CPED1: variants seen among roughly 807,000 people sequenced by gnomAD.
The protein encoded by CPED1 is cadherin like and PC-esterase domain containing 1.
CPED1 carries 114 observed loss-of-function variants against 128.2 expected under a neutral mutation model. The ratio of observed to expected loss-of-function variants is 0.89; its 90% CI spans 0.76 to 1.04. The LOEUF is 1.04. Ranked by LOEUF, CPED1 falls within the 50% of genes least tolerant of loss-of-function variation. The probability of loss-of-function intolerance (pLI) is 0.00; values close to 1 mark genes in which losing one functional copy is unlikely to be tolerated. For missense variants in CPED1, 1,211 were observed against 1,207.1 expected (o/e 1.00, Z -0.05); for synonymous variants, 462 against 426.7 (o/e 1.08, Z -1.02).
intron 22 of CPED1, among the ~76,000 whole-genome samples, chr7:121,274,355 G>C (rs1415063569): frequency 1.3e-5 from 2 of 152,112 alleles, no homozygotes; most frequent in Non-Finnish European, 1.5e-5. Flanking sequence ...CTTCAAGCAT[G>C]TTCAGGTAAA....
intron 3 of CPED1, among the ~76,000 whole-genome samples, chr7:121,037,677 ATG>A (rs1792933744): frequency 6.6e-6 from 1 of 152,042 alleles, no homozygotes; most frequent in South Asian, 2.1e-4. Context: ...GTGAAGAATG[ATG>A]GTGATATTTT....
intron 18 of CPED1, among the ~76,000 whole-genome samples, chr7:121,264,563 G>A (rs1416034479): frequency 6.6e-6 from 1 of 152,042 alleles, no homozygotes; most frequent in Non-Finnish European, 1.5e-5. Flanking sequence ...AATTGGAGAA[G>A]CTTTCTAGAT....
intron 16 of CPED1, among the ~76,000 whole-genome samples, chr7:121,212,334 G>T (rs1197461164): frequency 6.6e-6 from 1 of 151,930 alleles, no homozygotes; most frequent in Non-Finnish European, 1.5e-5. Context: ...TATAAATCAG[G>T]GTCCAGTAAG....
intron 16 of CPED1, among the ~76,000 whole-genome samples, chr7:121,225,377 G>A (rs1584611826): frequency 6.6e-6 from 1 of 152,114 alleles, no homozygotes; most frequent in South Asian, 2.1e-4. Context: ...CCCTTTGTGG[G>A]TAACCTGACC....
intron 17 of CPED1, among the ~76,000 whole-genome samples, chr7:121,240,564 G>A (rs935839017): frequency 6.6e-6 from 1 of 151,966 alleles, no homozygotes; most frequent in East Asian, 1.9e-4. Flanking sequence ...CAGTTTGTGA[G>A]TTTTCCTATA....
intron 16 of CPED1, among the ~76,000 whole-genome samples, chr7:121,160,454 A>G (rs1009672117): frequency 4.6e-5 from 7 of 152,130 alleles, no homozygotes; most frequent in African/African-American, 1.2e-4. Flanking sequence ...TGTCCCCCCA[A>G]CCTGCTCCCA....
intron 16 of CPED1, among the ~76,000 whole-genome samples, chr7:121,184,976 C>CT (rs990757022): frequency 3.9e-5 from 6 of 152,202 alleles, no homozygotes; most frequent in African/African-American, 1.2e-4. Flanking sequence ...ACAGTGATTT[C>CT]TTTATGAAGA....
At chr7:121,034,996 T>G (rs766148607) in intron 3 of CPED1, among the ~76,000 whole-genome samples, 29 of 152,156 alleles carry the variant, frequency 1.9e-4, no homozygotes, top group Non-Finnish European at 4.1e-4. Context: ...ACACTTGGTG[T>G]GTAAGAATGA....
chr7:121,060,357 C>CA (rs1021960752), intron 4 of CPED1, among the ~76,000 whole-genome samples: 3 of 152,270 alleles, frequency 2.0e-5, no homozygotes, highest in Non-Finnish European at 2.9e-5. Flanking sequence ...GCTCCACCTG[C>CA]AGCCCCCGGT....
intron 5 of CPED1, among the ~76,000 whole-genome samples, chr7:121,085,246 G>C (rs1794392511): frequency 6.6e-6 from 1 of 151,950 alleles, no homozygotes. Context: ...CAGGGACAGA[G>C]ATTCATGCAG....
In CPED1 at chr7:121,006,239, A is replaced by G. The variant is rs920459040; in HGVS notation, c.250-9426A>G. 3.3e-5 allele frequency among the ~76,000 whole-genome samples: 5 copies of G among 152,226 alleles called. No individual in the cohort carries two copies. In the South Asian group the frequency reaches 1.0e-3, roughly 31 times the overall value. On this transcript the variant is annotated intron_variant, in intron 2 of 22. Coordinates refer to ENST00000310396, the MANE Select transcript of CPED1 (RefSeq NM_024913.5). ...TATTATATTAACATTTTTCAAAAGA[A>G]CAAGGTCTTTCCTTGTCCTCTGCTT...
chr7:121,214,219 C>T (rs1797707221), intron 16 of CPED1, among the ~76,000 whole-genome samples: 3 of 151,988 alleles, frequency 2.0e-5, no homozygotes, highest in Admixed American at 2.0e-4. Context: ...ACTGTAAACT[C>T]ACATCTTTCT....
In CPED1 at chr7:121,295,866, C is replaced by A; in HGVS notation, c.*214C>A. ...TCAAGATGTGACCTTGAACACCAGT[C>A]CATTTCACAGTGAAAGATATACCTA... is the stretch of plus-strand genomic sequence containing the variant. On this transcript the variant is annotated 3_prime_UTR_variant, in exon 23 of 23. Coordinates refer to ENST00000310396, the MANE Select transcript of CPED1 (RefSeq NM_024913.5). 2.2e-6 allele frequency: 1 copy of A among 460,374 alleles called. No individual in the cohort carries two copies. The highest frequency in any genetic ancestry group is 3.9e-6 in the Non-Finnish European group (1 of 257,696). The allele number at this position is 460,374 out of a possible 1,614,324, so 28.5% of individuals were successfully genotyped here.
At chr7:121,225,449 A>G (rs534597547) in intron 16 of CPED1, among the ~76,000 whole-genome samples, 2 of 151,990 alleles carry the variant, frequency 1.3e-5, no homozygotes, top group Non-Finnish European at 2.9e-5. Context: ...TCTAACAATT[A>G]TGTGTCTTGG....
chr7:121,128,604 T>G, intron 11 of CPED1, 118 bp downstream of exon 11: 3 of 620,594 alleles, frequency 4.8e-6, no homozygotes, highest in South Asian at 4.5e-5. Flanking sequence ...ATAGAAATCT[T>G]TATAAGCTAC....
chr7:121,088,531 C>T (rs541925414), intron 5 of CPED1, among the ~76,000 whole-genome samples: 38 of 151,396 alleles, frequency 2.5e-4, no homozygotes, highest in African/African-American at 8.5e-4. Flanking sequence ...TGATGGTGTG[C>T]GCCTGTAATT....
intron 16 of CPED1, among the ~76,000 whole-genome samples, chr7:121,172,656 G>GGATAGATAGATAGATA: frequency 1.5e-5 from 1 of 66,870 alleles, no homozygotes; most frequent in Middle Eastern, 6.5e-3. Context: ...TTGGATGGAT[G>GGATAGATAGATAGATA]GATACATAGA....
Position 121,271,377 on chromosome 7 carries a change from A to C in CPED1, c.2815A>C (p.Met939Leu). Reference protein sequence around the residue: ...YEVVDTFTITMGRYKEFLQGK... With the variant: ...YEVVDTFTITLGRYKEFLQGK... ...AGTAGTTGACACATTCACTATAACAATGGGGCGTTACAAAGAGTTTCTACA... is the reference window on the plus strand; with the variant it reads ...AGTAGTTGACACATTCACTATAACACTGGGGCGTTACAAAGAGTTTCTACA... Residue 939 changes from methionine (M) to leucine (L), a missense_variant, in exon 22 of 23, where the codon ATG (methionine) becomes CTG (leucine). Physicochemically the swap from Met to Leu is conservative, Grantham distance 15 (BLOSUM62 2). Coordinates refer to ENST00000310396, the MANE Select transcript of CPED1 (RefSeq NM_024913.5). 8 of 1,612,922 alleles carry C rather than the reference A, an allele frequency of 5.0e-6. No homozygotes were observed. The highest frequency in any genetic ancestry group is 1.3e-5 in the African/African-American group (1 of 74,982).
At position 121,142,185 on chromosome 7, in the gene CPED1, T is replaced by C. The variant is rs565937735; in HGVS notation, c.2055+44T>C. On this transcript the variant is annotated intron_variant, in intron 16 of 22. Coordinates refer to ENST00000310396, the MANE Select transcript of CPED1 (RefSeq NM_024913.5). The stretch of plus-strand genomic sequence containing the variant: ...TGCACTTGGGTTGAATTGGGAATGA[T>C]CTGTTAACCCAGGCGGAAAATGCCA... 6.0e-6 allele frequency: 9 copies of C among 1,504,552 alleles called. 1 individual carries two copies. The South Asian group carries it at 1.0e-4, about 17-fold the overall frequency. 93.2% of individuals were successfully genotyped at this position (1,504,552 alleles called of 1,614,324 possible). A position where few individuals can be genotyped will look rare whatever the true frequency, so the allele number is the denominator to read the frequency against.
Sources: gnomAD v4.1 joint callset for allele counts (sites outside exome capture counted in the v4.1 genomes callset) on GRCh38, gnomAD v4.1.1 for gene constraint, MANE v1.5 for transcripts, NCBI Gene and HGNC (gene_info 2026-07-23, HGNC 2026-07-21) for gene names.